Variants in C12orf56 observed in about 807,000 individuals in gnomAD.
C12orf56 encodes uncharacterized protein C12orf56.
Under a neutral mutation model 69.9 loss-of-function variants are expected in C12orf56, and 71 were observed. The observed-to-expected ratio is 1.02, with a 90% CI of 0.84 to 1.24. The LOEUF (loss-of-function observed/expected upper bound fraction) is 1.24. Ranked by LOEUF, C12orf56 falls within the 50% of genes most tolerant of loss-of-function variation. The pLI is 0.00. For missense variants in C12orf56, 732 were observed against 738.5 expected, an observed-to-expected ratio of 0.99 and a Z score of 0.10; for synonymous variants, 276 against 274.1, an observed-to-expected ratio of 1.01 and a Z score of -0.07.
chr12:64,388,389 G>A (rs138031699), intron 1 of C12orf56, among the ~76,000 whole-genome samples: 34 of 152,092 alleles, frequency 2.2e-4, no homozygotes, highest in Non-Finnish European at 3.8e-4. Context: ...TTGTACCACC[G>A]GCATGCACCA....
In C12orf56 at chr12:64,324,045, A is replaced by T. The variant is rs560464516; in HGVS notation, c.489-5065T>A. ...GGCAGAGCCCTCCCCGCAGAAGCTC[A>T]TAAGTCACATTCTTCAGGGCAATAA... On this transcript the variant is annotated intron_variant, in intron 3 of 12. Coordinates refer to ENST00000543942, the MANE Select transcript of C12orf56 (RefSeq NM_001170633.2). Among the ~76,000 whole-genome samples, 39 of 152,346 alleles carry T rather than the reference A, an allele frequency of 2.6e-4. 1 individual carries two copies. The highest frequency in any genetic ancestry group is 3.4e-3 in the Middle Eastern group (1 of 294).
chr12:64,323,552 C>G (rs2038799121), intron 3 of C12orf56, among the ~76,000 whole-genome samples: 1 of 130,884 alleles, frequency 7.6e-6, no homozygotes, highest in Non-Finnish European at 1.6e-5. Flanking sequence ...AAAACAACTA[C>G]TGCAAACATT....
At chr12:64,369,245 T>C (rs2039537944) in intron 1 of C12orf56, among the ~76,000 whole-genome samples, 12 of 152,246 alleles carry the variant, frequency 7.9e-5, no homozygotes, top group Admixed American at 7.9e-4. Flanking sequence ...TTGCCCAGGC[T>C]GGAGTGCAGT....
At position 64,266,988 on chromosome 12, in the gene C12orf56, A is replaced by G. The variant is rs539799073; in HGVS notation, c.*195T>C. 381 of 513,280 alleles carry G rather than the reference A, an allele frequency of 7.4e-4. 3 individuals carry two copies. The highest frequency in any genetic ancestry group is 7.2e-3 in the African/African-American group (363 of 50,284). The allele number at this position is 513,280 out of a possible 1,614,324, so 31.8% of individuals were successfully genotyped here. On this transcript the variant is annotated 3_prime_UTR_variant, in exon 13 of 13. Coordinates refer to ENST00000543942, the MANE Select transcript of C12orf56 (RefSeq NM_001170633.2). ...GCATAAAGATCTTTGCACACTTATA[A>G]TAAATCAAATTTATTTTTTAAAATT... is the stretch of plus-strand genomic sequence containing the variant.
At chr12:64,312,811 C>T in intron 4 of C12orf56, 59 bp from the exon 5 acceptor site, 1 of 1,227,304 alleles carries the variant, frequency 8.1e-7, no homozygotes, top group Admixed American at 2.0e-5. Context: ...TCAATTCCCC[C>T]TACCTTTAGT....
At chr12:64,275,836 G>A (rs1469959363) in intron 9 of C12orf56, among the ~76,000 whole-genome samples, 1 of 151,968 alleles carries the variant, frequency 6.6e-6, no homozygotes, top group Non-Finnish European at 1.5e-5. Context: ...GGAACTCTTG[G>A]CCTCAAGTGA....
At position 64,339,798 on chromosome 12, in the gene C12orf56, C is replaced by A. The variant is rs111832057; in HGVS notation, c.416-8766G>T. 4.3e-3 allele frequency among the ~76,000 whole-genome samples: 652 copies of A among 152,004 alleles called. 5 individuals are homozygous for A. Among genetic ancestry groups the A allele is most frequent in the African/African-American group, 0.015 (611 of 41,450 alleles). Reference sequence around the variant, plus strand: ...GGCTGGTCTCAACTCCTGCCTTAAGCAATTGTCCCACCTTAGCCTCTCAAA... The same window carrying A: ...GGCTGGTCTCAACTCCTGCCTTAAGAAATTGTCCCACCTTAGCCTCTCAAA... On this transcript the variant is annotated intron_variant, in intron 2 of 12. Coordinates refer to ENST00000543942, the MANE Select transcript of C12orf56 (RefSeq NM_001170633.2).
chr12:64,365,287 C>T (rs2039450327), intron 1 of C12orf56, among the ~76,000 whole-genome samples: 1 of 151,466 alleles, frequency 6.6e-6, no homozygotes, highest in East Asian at 1.9e-4. Context: ...GCTTCAGCCT[C>T]CCGAGTAACT....
chr12:64,321,190 CAA>C (rs2038768012), intron 3 of C12orf56, among the ~76,000 whole-genome samples: 1 of 152,188 alleles, frequency 6.6e-6, no homozygotes, highest in Admixed American at 6.5e-5. Context: ...AAACTGGAAA[CAA>C]TATGTGCAAG....
chr12:64,321,196 G>A (rs895234154), intron 3 of C12orf56, among the ~76,000 whole-genome samples: 4 of 152,144 alleles, frequency 2.6e-5, no homozygotes, highest in Non-Finnish European at 2.9e-5. Context: ...GAAACAATAT[G>A]TGCAAGCTAT....
At chr12:64,268,094 G>C (rs1295447800) in intron 12 of C12orf56, among the ~76,000 whole-genome samples, 1 of 152,112 alleles carries the variant, frequency 6.6e-6, no homozygotes, top group African/African-American at 2.4e-5. Context: ...TGCAAATTTT[G>C]GATTTTTGGT....
At chr12:64,337,550 C>A (rs183454417) in intron 2 of C12orf56, among the ~76,000 whole-genome samples, 3 of 152,268 alleles carry the variant, frequency 2.0e-5, no homozygotes, top group African/African-American at 7.2e-5. Context: ...CTGATCTACA[C>A]CTATCTACCT....
chr12:64,360,631 G>T (rs550682841), intron 1 of C12orf56, among the ~76,000 whole-genome samples: 5 of 152,144 alleles, frequency 3.3e-5, no homozygotes, highest in African/African-American at 1.2e-4. Flanking sequence ...ATTCTATTTT[G>T]CATGGCTATT....
Position 64,390,648 on chromosome 12 carries a change from C to T in C12orf56, c.-83G>A, listed in dbSNP as rs1344591512. Reference sequence around the variant, plus strand: ...CCCCGCCCCCGCGCTGGAACCCGCGCGCCACAAAGCCGCCGGCCACGCGTC... The same window carrying T: ...CCCCGCCCCCGCGCTGGAACCCGCGTGCCACAAAGCCGCCGGCCACGCGTC... On this transcript the variant is annotated 5_prime_UTR_variant, in exon 1 of 13. Coordinates refer to ENST00000543942, the MANE Select transcript of C12orf56 (RefSeq NM_001170633.2). The T allele has an allele frequency of 1.5e-6, 2 of 1,372,532 alleles. No homozygotes were observed. The highest frequency in any genetic ancestry group is 1.9e-6 in the Non-Finnish European group (2 of 1,070,794). The allele number at this position is 1,372,532 out of a possible 1,614,324, so 85.0% of individuals were successfully genotyped here. A position where few individuals can be genotyped will look rare whatever the true frequency, so the allele number is the denominator to read the frequency against.
intron 3 of C12orf56, among the ~76,000 whole-genome samples, chr12:64,327,481 TA>T (rs1565757871): frequency 6.6e-6 from 1 of 152,160 alleles, no homozygotes; most frequent in South Asian, 2.1e-4. Context: ...ATAAAATTTT[TA>T]AAAAAGAAAA....
chr12:64,312,993 G>A (rs2038639896), intron 4 of C12orf56, among the ~76,000 whole-genome samples: 1 of 151,926 alleles, frequency 6.6e-6, no homozygotes, highest in African/African-American at 2.4e-5. Context: ...GGGTGCGGTG[G>A]CTCATGCCTG....
chr12:64,390,723 C>A lies in C12orf56; in HGVS notation c.-158G>T. 1.8e-6 allele frequency: 2 copies of A among 1,093,468 alleles called. No individual in the cohort carries two copies. Among genetic ancestry groups the A allele is most frequent in the Non-Finnish European group, 2.4e-6 (2 of 822,704 alleles). 67.7% of individuals were successfully genotyped at this position (1,093,468 alleles called of 1,614,324 possible). On this transcript the variant is annotated 5_prime_UTR_variant, in exon 1 of 13. Coordinates refer to ENST00000543942, the MANE Select transcript of C12orf56 (RefSeq NM_001170633.2). ...CGGGCCGCAACTGCAGGAATCGACG[C>A]TAGGTCGGCTTCCCTGGAGCGCCCT...
intron 2 of C12orf56, among the ~76,000 whole-genome samples, chr12:64,346,608 C>T (rs984501929): frequency 2.0e-5 from 3 of 152,176 alleles, no homozygotes; most frequent in African/African-American, 7.2e-5. Context: ...TCATCTCAAT[C>T]TCTAGTCCCT....
intron 6 of C12orf56, 66 bp from the exon 7 acceptor site, chr12:64,286,126 A>C: frequency 2.2e-4 from 209 of 947,894 alleles, no homozygotes; most frequent in Non-Finnish European, 2.9e-4. Context: ...CTCTACTCTC[A>C]TGTACTAAAA....
Sources: allele counts gnomAD v4.1 joint callset (sites outside exome capture counted in the v4.1 genomes callset), GRCh38; gene constraint gnomAD v4.1.1; transcripts MANE v1.5; gene names NCBI Gene and HGNC (gene_info 2026-07-23, HGNC 2026-07-21).